Variants in LARS2 observed in about 807,000 individuals in gnomAD.
LARS2 encodes the protein leucyl-tRNA synthetase 2, mitochondrial, also known as leucine--tRNA ligase, mitochondrial.
A neutral mutation model predicts 116.6 loss-of-function variants in LARS2; 81 were observed. The ratio of observed to expected loss-of-function variants is 0.69; its 90% confidence interval spans 0.58 to 0.84. The LOEUF (loss-of-function observed/expected upper bound fraction) is 0.84. Among genes scored for constraint, LARS2 ranks in the 40% least tolerant of loss-of-function variants. The probability of loss-of-function intolerance (pLI) is 0.00; values close to 1 mark genes in which losing one functional copy is unlikely to be tolerated. For synonymous variants in LARS2, 396 were observed against 407.2 expected (o/e 0.97, Z 0.33); for missense variants, 968 against 1,114.5 (o/e 0.87, Z 1.87).
chr3:45,390,971 G>A (rs890914106), intron 1 of LARS2, among the ~76,000 whole-genome samples: 12 of 152,112 alleles, frequency 7.9e-5, no homozygotes, highest in African/African-American at 2.9e-4. Context: ...GATTTTTAGT[G>A]TTTCTTTTCA....
chr3:45,490,856 T>A (rs1699902980), intron 12 of LARS2, among the ~76,000 whole-genome samples: 1 of 152,222 alleles, frequency 6.6e-6, no homozygotes, highest in Non-Finnish European at 1.5e-5. Flanking sequence ...AGTGAAAAGA[T>A]AATTTCTCTT....
chr3:45,472,320 C>G (rs1224793268), intron 8 of LARS2, among the ~76,000 whole-genome samples: 2 of 152,160 alleles, frequency 1.3e-5, no homozygotes, highest in East Asian at 3.8e-4. Context: ...GGTTATACTC[C>G]TTAGTGTCAG....
intron 6 of LARS2, among the ~76,000 whole-genome samples, chr3:45,438,656 A>T (rs941976543): frequency 7.0e-5 from 4 of 57,330 alleles, no homozygotes; most frequent in Non-Finnish European, 2.0e-4. Context: ...CATCTCTACT[A>T]AAAATACCAA....
intron 3 of LARS2, among the ~76,000 whole-genome samples, chr3:45,395,813 A>T (rs954585117): frequency 1.3e-5 from 2 of 152,242 alleles, no homozygotes; most frequent in Non-Finnish European, 2.9e-5. Context: ...TTAGAAAGAA[A>T]AATTGCTATT....
At position 45,491,797 on chromosome 3, in the gene LARS2, C is replaced by G. The variant is rs1553635112; in HGVS notation, c.1520C>G (p.Pro507Arg). 4.3e-6 allele frequency: 7 copies of G among 1,613,098 alleles called. No homozygotes were observed. The highest frequency in any genetic ancestry group is 5.9e-6 in the Non-Finnish European group (7 of 1,179,550). ...TCAGAGTGGGTGAACTGCTCCTGCC[C>G]AAGGTAAGGAGCCACATCCCTGCAG... is the stretch of plus-strand genomic sequence containing the variant. The part of the protein sequence containing the change: ...MASEWVNCSC[P>R]RCKGAAKRET... Residue 507 changes from proline (P) to arginine (R), a missense_variant, in exon 13 of 22, where the codon CCA (proline) becomes CGA (arginine). Pro to Arg is a moderately radical substitution (Grantham distance 103). Coordinates refer to ENST00000645846, the MANE Select transcript of LARS2 (RefSeq NM_015340.4).
intron 14 of LARS2, 102 bp from the exon 15 acceptor site, chr3:45,500,340 T>C (rs548112492): frequency 1.8e-6 from 2 of 1,114,150 alleles, no homozygotes; most frequent in South Asian, 3.0e-5. Flanking sequence ...TATTCCCTGA[T>C]ACGGTTCATT....
chr3:45,443,256 T>C (rs1559470912), intron 6 of LARS2, among the ~76,000 whole-genome samples: 1 of 152,236 alleles, frequency 6.6e-6, no homozygotes, highest in Non-Finnish European at 1.5e-5. Context: ...GAAAATAGAC[T>C]CTTGATTTCT....
At chr3:45,466,305 G>A (rs563226725) in intron 8 of LARS2, among the ~76,000 whole-genome samples, 12 of 152,222 alleles carry the variant, frequency 7.9e-5, no homozygotes, top group African/African-American at 2.9e-4. Context: ...GGCCTGGTGA[G>A]TGTCACCAAT....
At chr3:45,458,108 A>G (rs1699243568) in intron 7 of LARS2, among the ~76,000 whole-genome samples, 1 of 152,192 alleles carries the variant, frequency 6.6e-6, no homozygotes, top group Admixed American at 6.5e-5. Flanking sequence ...AAATAATCCT[A>G]TTCTGTCAAA....
chr3:45,493,484 G>A (rs1211499671), intron 13 of LARS2, among the ~76,000 whole-genome samples: 1 of 152,116 alleles, frequency 6.6e-6, no homozygotes, highest in Non-Finnish European at 1.5e-5. Flanking sequence ...CAGACTACAG[G>A]CACCAGAGCC....
chr3:45,488,909 G>A lies in LARS2; in HGVS notation c.1239+97G>A, dbSNP rs3733116. The A allele has an allele frequency of 0.6, 481,196 of 796,874 alleles. 154,129 individuals are homozygous for A. The highest frequency in any genetic ancestry group is 0.77 in the East Asian group (31,752 of 41,080). The allele number at this position is 796,874 out of a possible 1,614,324, so 49.4% of individuals were successfully genotyped here. ...CAAATTACAACCTGTTCCTTCACTC[G>A]TCCCCATACCTAACAGCCTTGTGGC... On this transcript the variant is annotated intron_variant, in intron 12 of 21. Transcript: ENST00000645846.
At chr3:45,417,661 G>A (rs1217669065) in intron 5 of LARS2, 88 bp downstream of exon 5, 9 of 823,868 alleles carry the variant, frequency 1.1e-5, no homozygotes, top group Admixed American at 2.1e-5. Context: ...AGAAAGCAAA[G>A]CAAACAAAAC....
rs948277819 is a variant in LARS2, at chr3:45,516,372, G to T, written c.2044+96G>T. Reference sequence around the variant, plus strand: ...GGAAATGTCTTTGCTGAAGACAGTGGTAGAGAATTCTAGGAATCAGTTCCA... The same window carrying T: ...GGAAATGTCTTTGCTGAAGACAGTGTTAGAGAATTCTAGGAATCAGTTCCA... On this transcript the variant is annotated intron_variant, in intron 17 of 21. Transcript: ENST00000645846. 4.1e-6 allele frequency: 5 copies of T among 1,230,544 alleles called. No homozygotes were observed. In the Admixed American group the frequency reaches 6.4e-5, roughly 16 times the overall value. The allele number at this position is 1,230,544 out of a possible 1,614,324, so 76.2% of individuals were successfully genotyped here.
At chr3:45,401,299 C>T (rs949747975) in intron 4 of LARS2, among the ~76,000 whole-genome samples, 3 of 151,870 alleles carry the variant, frequency 2.0e-5, no homozygotes, top group Admixed American at 6.6e-5. Flanking sequence ...CCCAGGAGTT[C>T]GAGACCAGCC....
intron 1 of LARS2, among the ~76,000 whole-genome samples, chr3:45,389,310 G>A (rs1697897847): frequency 6.6e-6 from 1 of 151,716 alleles, no homozygotes; most frequent in South Asian, 2.1e-4. Flanking sequence ...TTTGTCTCAC[G>A]GGTCAAAACT....
At chr3:45,420,698 T>TA (rs1288181662) in intron 6 of LARS2, among the ~76,000 whole-genome samples, 7 of 152,128 alleles carry the variant, frequency 4.6e-5, no homozygotes, top group East Asian at 1.9e-4. Context: ...GAGAATGAAA[T>TA]ACGGTCACAG....
chr3:45,392,302 C>CTTTTTTTT (rs749403733), intron 2 of LARS2, among the ~76,000 whole-genome samples: 1 of 138,220 alleles, frequency 7.2e-6, no homozygotes, highest in African/African-American at 2.7e-5. Context: ...TCTTTTTTAT[C>CTTTTTTTT]TTTTTTTTTT....
intron 6 of LARS2, among the ~76,000 whole-genome samples, chr3:45,424,524 G>A (rs1012659273): frequency 1.6e-4 from 25 of 152,198 alleles, no homozygotes; most frequent in African/African-American, 5.8e-4. Flanking sequence ...AGCATCAGTA[G>A]TAGTAGTTCT....
At chr3:45,542,172 A>C (rs1327137234) in intron 21 of LARS2, among the ~76,000 whole-genome samples, 1 of 152,226 alleles carries the variant, frequency 6.6e-6, no homozygotes, top group Non-Finnish European at 1.5e-5. Context: ...GCATGTGAGC[A>C]TAAAACTCTC....
Sources: allele counts gnomAD v4.1 joint callset (sites outside exome capture counted in the v4.1 genomes callset), GRCh38; gene constraint gnomAD v4.1.1; transcripts MANE v1.5; gene names NCBI Gene and HGNC (gene_info 2026-07-23, HGNC 2026-07-21).